Variants in TOX observed in about 807,000 individuals in gnomAD.
The protein encoded by TOX is thymocyte selection associated high mobility group box.
TOX carries 11 observed loss-of-function variants against 53.7 expected under a neutral mutation model. The ratio of observed to expected loss-of-function variants is 0.20; its 90% CI spans 0.13 to 0.34. TOX has a LOEUF of 0.34. Among genes scored for constraint, TOX ranks in the 10% least tolerant of loss-of-function variants. The probability of loss-of-function intolerance (pLI) is 1.00; values close to 1 mark genes in which losing one functional copy is unlikely to be tolerated. For synonymous variants in TOX, 225 were observed against 245.3 expected (o/e 0.92, Z 0.77); for missense variants, 570 against 664.6 (o/e 0.86, Z 1.56).
intron 1 of TOX, among the ~76,000 whole-genome samples, chr8:58,999,030 A>G (rs1168339918): frequency 6.6e-6 from 1 of 152,198 alleles, no homozygotes; most frequent in African/African-American, 2.4e-5. Context: ...TAAAATTAAA[A>G]CATTTGTTTT....
At chr8:58,944,552 G>A (rs766980357) in intron 2 of TOX, among the ~76,000 whole-genome samples, 1 of 152,190 alleles carries the variant, frequency 6.6e-6, no homozygotes, top group Non-Finnish European at 1.5e-5. Context: ...CACTGTGCAT[G>A]TTGCCAAGAA....
intron 1 of TOX, among the ~76,000 whole-genome samples, chr8:59,030,371 C>T (rs770867370): frequency 7.9e-5 from 12 of 152,188 alleles, no homozygotes; most frequent in South Asian, 6.2e-4. Flanking sequence ...AAGCGCACTG[C>T]ACAGTTGCTG....
At chr8:58,968,480 A>C (rs11777927) in intron 1 of TOX, among the ~76,000 whole-genome samples, 1 of 151,988 alleles carries the variant, frequency 6.6e-6, no homozygotes, top group Non-Finnish European at 1.5e-5. Context: ...TTTTAGACAA[A>C]TTTTTTCTGA....
intron 4 of TOX, among the ~76,000 whole-genome samples, chr8:58,848,784 TG>T (rs978365218): frequency 2.0e-5 from 3 of 152,126 alleles, no homozygotes; most frequent in Non-Finnish European, 4.4e-5. Context: ...ATTTTACTGA[TG>T]TATTTACAAT....
intron 1 of TOX, among the ~76,000 whole-genome samples, chr8:58,988,883 G>A (rs1813387984): frequency 6.6e-6 from 1 of 152,192 alleles, no homozygotes; most frequent in Non-Finnish European, 1.5e-5. Flanking sequence ...GAGACTTGGA[G>A]AAAGAGGCAG....
intron 1 of TOX, among the ~76,000 whole-genome samples, chr8:59,039,081 G>T (rs182580777): frequency 6.6e-6 from 1 of 152,224 alleles, no homozygotes; most frequent in East Asian, 1.9e-4. Flanking sequence ...TCCCTACCCC[G>T]CTTTAGAATT....
At chr8:58,853,968 T>A (rs1456519805) in intron 3 of TOX, among the ~76,000 whole-genome samples, 1 of 152,206 alleles carries the variant, frequency 6.6e-6, no homozygotes, top group Non-Finnish European at 1.5e-5. Context: ...AAGTCCTGTA[T>A]GTTTTTAGAC....
intron 1 of TOX, chr8:58,991,963 T>C (rs935605796): frequency 2.0e-5 from 3 of 152,300 alleles, no homozygotes; most frequent in Non-Finnish European, 2.9e-5. Context: ...TCGGCAGGGC[T>C]GACGCGTGGT....
intron 7 of TOX, among the ~76,000 whole-genome samples, chr8:58,810,872 C>T (rs1171856091): frequency 6.6e-6 from 1 of 151,640 alleles, no homozygotes; most frequent in Non-Finnish European, 1.5e-5. Context: ...GCCATTTTTT[C>T]CCCCCATCCA....
chr8:59,027,663 T>C (rs1047278805), intron 1 of TOX, among the ~76,000 whole-genome samples: 1 of 152,120 alleles, frequency 6.6e-6, no homozygotes, highest in African/African-American at 2.4e-5. Context: ...CCAATCTGAT[T>C]TTTTACGGAC....
At chr8:58,963,583 C>T (rs1812839381) in intron 1 of TOX, among the ~76,000 whole-genome samples, 1 of 152,204 alleles carries the variant, frequency 6.6e-6, no homozygotes, top group African/African-American at 2.4e-5. Context: ...CTCACAGTTC[C>T]TATCACACCC....
intron 1 of TOX, among the ~76,000 whole-genome samples, chr8:59,014,096 CTG>C (rs1240958285): frequency 2.0e-5 from 3 of 152,174 alleles, no homozygotes; most frequent in Non-Finnish European, 2.9e-5. Flanking sequence ...TTAAAAGACA[CTG>C]TAATCATCCA....
intron 3 of TOX, among the ~76,000 whole-genome samples, chr8:58,888,615 C>T (rs114392120): frequency 0.035 from 5,278 of 151,278 alleles, 307 homozygotes; most frequent in African/African-American, 0.12. Flanking sequence ...GCAGAAAGAG[C>T]AATGAAAAAC....
chr8:59,035,004 C>T (rs868543690), intron 1 of TOX, among the ~76,000 whole-genome samples: 2 of 152,032 alleles, frequency 1.3e-5, no homozygotes, highest in South Asian at 2.1e-4. Flanking sequence ...TGGGAGGAGA[C>T]GCTCTGGAGG....
rs1813671799 is a variant in TOX, at chr8:59,000,535, T to C, written c.103-40527A>G. 2.0e-5 allele frequency among the ~76,000 whole-genome samples: 3 copies of C among 152,280 alleles called. 1 individual carries two copies. The East Asian group carries it at 5.8e-4, about 29-fold the overall frequency. On this transcript the variant is annotated intron_variant, in intron 1 of 8. Coordinates refer to ENST00000361421, the MANE Select transcript of TOX (RefSeq NM_014729.3). ...ATACTCATCTTTGAAATCAACTGAATAGTATAATTGTCTTGTTTATTCAGG... is the reference window on the plus strand; with the variant it reads ...ATACTCATCTTTGAAATCAACTGAACAGTATAATTGTCTTGTTTATTCAGG...
intron 1 of TOX, among the ~76,000 whole-genome samples, chr8:58,972,872 T>C (rs1813025966): frequency 6.6e-6 from 1 of 152,192 alleles, no homozygotes; most frequent in African/African-American, 2.4e-5. Context: ...AGTTTTAAGA[T>C]AATATTGCTT....
chr8:58,820,154 A>T (rs1810249234), intron 6 of TOX, among the ~76,000 whole-genome samples: 1 of 152,178 alleles, frequency 6.6e-6, no homozygotes, highest in Admixed American at 6.5e-5. Context: ...CATTCTATAA[A>T]AAGAAACTGT....
chr8:59,005,330 G>A (rs988816485), intron 1 of TOX, among the ~76,000 whole-genome samples: 2 of 152,150 alleles, frequency 1.3e-5, no homozygotes, highest in African/African-American at 2.4e-5. Flanking sequence ...GAGCCACTGC[G>A]CCCGGCCCTG....
chr8:58,904,293 T>C (rs1811777861), intron 3 of TOX, among the ~76,000 whole-genome samples: 1 of 150,784 alleles, frequency 6.6e-6, no homozygotes, highest in Admixed American at 6.6e-5. Context: ...ACTGTGATTG[T>C]AGACGACATA....
Sources: allele counts gnomAD v4.1 joint callset (sites outside exome capture counted in the v4.1 genomes callset), GRCh38; gene constraint gnomAD v4.1.1; transcripts MANE v1.5; gene names NCBI Gene and HGNC (gene_info 2026-07-23, HGNC 2026-07-21).